The following ATP10B variants were observed in gnomAD, a reference collection of about 807,000 sequenced individuals.
ATP10B encodes phospholipid-transporting ATPase VB.
Under a neutral mutation model 141.2 loss-of-function variants are expected in ATP10B, and 122 were observed. That is an observed-to-expected ratio of 0.86 (90% CI 0.75 to 1.00). The LOEUF (loss-of-function observed/expected upper bound fraction) is 1.00, where lower values mean the gene tolerates loss of function less well. Ranked by LOEUF, ATP10B falls within the 50% of genes least tolerant of loss-of-function variation. The pLI is 0.00. For synonymous variants in ATP10B, 685 were observed against 692.0 expected (o/e 0.99, Z 0.16); for missense variants, 1,876 against 1,825.3 (o/e 1.03, Z -0.51).
chr5:160,725,573 G>C (rs1194275565), intron 2 of ATP10B, among the ~76,000 whole-genome samples: 1 of 152,050 alleles, frequency 6.6e-6, no homozygotes. Context: ...AGCCTCGCAA[G>C]TAGCTGGGAC....
intron 2 of ATP10B, among the ~76,000 whole-genome samples, chr5:160,782,558 C>T (rs913630047): frequency 6.6e-6 from 1 of 151,676 alleles, no homozygotes; most frequent in Non-Finnish European, 1.5e-5. Context: ...TATTCTAGTC[C>T]TCTATGGTTC....
intron 3 of ATP10B, among the ~76,000 whole-genome samples, chr5:160,701,708 A>G (rs1449172450): frequency 6.6e-6 from 1 of 151,056 alleles, no homozygotes; most frequent in Non-Finnish European, 1.5e-5. Context: ...TCACACCTCT[A>G]CCCAATGCCT....
At position 160,617,984 on chromosome 5, in the gene ATP10B, G is replaced by T. The variant is rs199603304; in HGVS notation, c.2417-11C>A. ...TATTAATGTCAGGTACTGTCAAATA[G>T]CCATTTTCCCGCATGAGGCCACATA... On this transcript the variant is annotated splice_polypyrimidine_tract_variant and intron_variant, in intron 15 of 25. Coordinates refer to ENST00000327245, the MANE Select transcript of ATP10B (RefSeq NM_025153.3). 1.2e-6 allele frequency: 2 copies of T among 1,607,386 alleles called. No homozygotes were observed. The highest frequency in any genetic ancestry group is 1.3e-5 in the African/African-American group (1 of 74,850).
intron 1 of ATP10B, among the ~76,000 whole-genome samples, chr5:160,819,388 G>T (rs1773932232): frequency 6.6e-6 from 1 of 152,134 alleles, no homozygotes; most frequent in South Asian, 2.1e-4. Flanking sequence ...AAAGCTGAGG[G>T]ATTTCATCAA....
the ATP10B span, among the ~76,000 whole-genome samples, chr5:160,868,570 G>A: frequency 1.5e-4 from 12 of 79,216 alleles, no homozygotes; most frequent in African/African-American, 4.9e-4. Context: ...ACACACACAC[G>A]ATGCAACTAT....
chr5:160,567,731 G>A (rs1156892589), intron 25 of ATP10B, among the ~76,000 whole-genome samples: 2 of 152,110 alleles, frequency 1.3e-5, no homozygotes, highest in Non-Finnish European at 2.9e-5. Context: ...CCCAAGCAGA[G>A]CAGGGAGGAA....
chr5:160,704,950 G>A (rs1467807543), intron 3 of ATP10B, among the ~76,000 whole-genome samples: 1 of 67,464 alleles, frequency 1.5e-5, no homozygotes, highest in Non-Finnish European at 2.4e-5. Context: ...AGACAGTCTT[G>A]CTCTGTCACC....
chr5:160,848,384 G>T (rs1406201778), intron 1 of ATP10B, among the ~76,000 whole-genome samples: 1 of 152,132 alleles, frequency 6.6e-6, no homozygotes, highest in Non-Finnish European at 1.5e-5. Context: ...GAAAATTGAG[G>T]CTTACAAAAG....
At chr5:160,707,097 C>A (rs755672962) in intron 3 of ATP10B, among the ~76,000 whole-genome samples, 9 of 151,984 alleles carry the variant, frequency 5.9e-5, no homozygotes, top group Non-Finnish European at 1.2e-4. Flanking sequence ...ATTACAGGCG[C>A]CTGCCACCAC....
chr5:160,585,907 C>T (rs1239908283), intron 24 of ATP10B, among the ~76,000 whole-genome samples: 2 of 152,110 alleles, frequency 1.3e-5, no homozygotes, highest in African/African-American at 4.8e-5. Flanking sequence ...CCTGGCTATG[C>T]CTTTTTTTGT....
chr5:160,591,011 AGTT>A (rs201501904), intron 23 of ATP10B, 45 bp downstream of exon 23: 82,428 of 1,497,184 alleles, frequency 0.055, 3,313 homozygotes, highest in East Asian at 0.23. Context: ...AAAAAGGACC[AGTT>A]CTTCTCTGCA....
At chr5:160,685,073 C>T (rs1262994115) in intron 6 of ATP10B, 13 of 703,490 alleles carry the variant, frequency 1.8e-5, no homozygotes, top group Non-Finnish European at 2.9e-5. Context: ...AAGGACAACA[C>T]GGTGTACTTG....
intron 7 of ATP10B, among the ~76,000 whole-genome samples, chr5:160,655,616 C>A (rs903654472): frequency 6.6e-6 from 1 of 152,056 alleles, no homozygotes; most frequent in African/African-American, 2.4e-5. Context: ...TGACTCATGC[C>A]GTAGAAAAAG....
chr5:160,804,725 C>T (rs989364358), intron 1 of ATP10B, among the ~76,000 whole-genome samples: 10 of 152,154 alleles, frequency 6.6e-5, no homozygotes, highest in Non-Finnish European at 1.2e-4. Flanking sequence ...ATCTTGGTTC[C>T]ATTACTTCAC....
intron 1 of ATP10B, among the ~76,000 whole-genome samples, chr5:160,814,535 A>G (rs1224312653): frequency 1.4e-5 from 2 of 147,248 alleles, no homozygotes; most frequent in Non-Finnish European, 3.0e-5. Flanking sequence ...TGACGGGGAG[A>G]ACGGACCCAA....
the ATP10B span, among the ~76,000 whole-genome samples, chr5:160,888,731 T>G: frequency 1.3e-5 from 2 of 152,202 alleles, no homozygotes. Flanking sequence ...ATTCCGGTGG[T>G]TTAAGAACCA....
At chr5:160,593,789 T>C (rs1581168709) in intron 22 of ATP10B, among the ~76,000 whole-genome samples, 3 of 152,158 alleles carry the variant, frequency 2.0e-5, no homozygotes, top group African/African-American at 7.2e-5. Flanking sequence ...GCCGATGTGA[T>C]CAACTTGAAA....
In ATP10B at chr5:160,607,016, T is replaced by C. The variant is rs1383108121; in HGVS notation, c.2909A>G (p.Asp970Gly). ...TAAGCGGAATCCAAAGAGCTTGCGG[T>C]CTGGCTTCTGTAGTTCACGAAATTG... is the stretch of plus-strand genomic sequence containing the variant. The part of the protein sequence containing the change: ...LKQFRELQKP[D>G]RKLFGFRLPS... The change falls in exon 19 of 26, where the codon GAC becomes GGC. Residue 970 changes from aspartate to glycine, a missense_variant. Asp to Gly is a moderately conservative substitution (Grantham distance 94). Transcript: ENST00000327245. 6.2e-7 allele frequency: 1 copy of C among 1,614,152 alleles called. No homozygotes were observed. The highest frequency in any genetic ancestry group is 1.1e-5 in the South Asian group (1 of 91,088).
chr5:160,663,072 A>AT (rs1253566426), intron 7 of ATP10B, among the ~76,000 whole-genome samples: 109 of 152,356 alleles, frequency 7.2e-4, no homozygotes, highest in Middle Eastern at 3.4e-3. Flanking sequence ...AGAAATGCAA[A>AT]TCAAAACCAC....
Sources: allele counts gnomAD v4.1 joint callset (sites outside exome capture counted in the v4.1 genomes callset), GRCh38; gene constraint gnomAD v4.1.1; transcripts MANE v1.5; gene names NCBI Gene and HGNC (gene_info 2026-07-23, HGNC 2026-07-21).